DOCK4: variants seen among roughly 807,000 people sequenced by gnomAD.
DOCK4 encodes the protein dedicator of cytokinesis 4.
A neutral mutation model predicts 268.1 loss-of-function variants in DOCK4; 97 were observed. That is an observed-to-expected ratio of 0.36 (90% CI 0.31 to 0.43). The LOEUF (loss-of-function observed/expected upper bound fraction) is 0.43, where lower values mean the gene tolerates loss of function less well. DOCK4 is among the 20% of genes least tolerant of loss of function. The pLI is 1.00. For missense variants in DOCK4, 2,145 were observed against 2,455.7 expected, an observed-to-expected ratio of 0.87 and a Z score of 2.67; for synonymous variants, 954 against 887.2, an observed-to-expected ratio of 1.08 and a Z score of -1.34.
At chr7:111,839,511 A>G (rs1803504133) in intron 25 of DOCK4, among the ~76,000 whole-genome samples, 1 of 152,254 alleles carries the variant, frequency 6.6e-6, no homozygotes, top group East Asian at 1.9e-4. Context: ...TAAGGAATAG[A>G]CTTTCATCTT....
rs762865694 is a variant in DOCK4, at chr7:111,794,349, TG to T, written c.3167-3745del. ...TGGTCTGGGGCTCGAGACAGAGGCC[TG>T]GGCTGGAGATGTACTATTTCAGAAC... On this transcript the variant is annotated intron_variant, in intron 30 of 52. Coordinates refer to ENST00000428084, the MANE Select transcript of DOCK4 (RefSeq NM_001363540.2). Among the ~76,000 whole-genome samples the T allele has an allele frequency of 7.2e-4, 109 of 152,312 alleles. 2 individuals are homozygous for T. The highest frequency in any genetic ancestry group is 4.6e-3 in the Admixed American group (71 of 15,290).
At chr7:111,920,785 C>G (rs540667934) in intron 12 of DOCK4, among the ~76,000 whole-genome samples, 2 of 151,706 alleles carry the variant, frequency 1.3e-5, no homozygotes, top group Non-Finnish European at 1.5e-5. Context: ...GAAACTTATA[C>G]AGAGAGAGAC....
chr7:111,758,505 AT>A, intron 41 of DOCK4, 118 bp downstream of exon 41: 1 of 1,140,992 alleles, frequency 8.8e-7, no homozygotes, highest in Non-Finnish European at 1.3e-6. Context: ...AATGATTTAT[AT>A]AGTCCCTTCT....
intron 1 of DOCK4, among the ~76,000 whole-genome samples, chr7:112,190,384 C>G (rs1428155648): frequency 6.6e-6 from 1 of 152,112 alleles, no homozygotes; most frequent in Non-Finnish European, 1.5e-5. Flanking sequence ...CAGTACTCTA[C>G]CAGGAGGAGT....
In DOCK4 at chr7:112,206,365, C is replaced by G. The variant is rs1821410922; in HGVS notation, c.-227G>C. 1.5e-5 allele frequency: 9 copies of G among 586,470 alleles called. No individual in the cohort carries two copies. The highest frequency in any genetic ancestry group is 2.7e-5 in the Non-Finnish European group (9 of 333,522). The allele number at this position is 586,470 out of a possible 1,614,324, so 36.3% of individuals were successfully genotyped here. ...CTGCTCACAGTCCTCCGACGCGCTCCCGGGTACCCGGCGGCGCAGTCATTG... is the reference window on the plus strand; with the variant it reads ...CTGCTCACAGTCCTCCGACGCGCTCGCGGGTACCCGGCGGCGCAGTCATTG... On this transcript the variant is annotated 5_prime_UTR_variant, in exon 1 of 53. Transcript: ENST00000428084.
chr7:112,062,473 T>C (rs1206754583), intron 1 of DOCK4, among the ~76,000 whole-genome samples: 1 of 152,178 alleles, frequency 6.6e-6, no homozygotes, highest in East Asian at 1.9e-4. Context: ...TATATTTAAC[T>C]AGTGACTTAT....
chr7:112,186,334 C>T (rs1327949630), intron 1 of DOCK4, among the ~76,000 whole-genome samples: 1 of 152,190 alleles, frequency 6.6e-6, no homozygotes, highest in Admixed American at 6.5e-5. Context: ...TGGGAAGACA[C>T]TACAACATAC....
At chr7:112,077,617 C>T (rs1586775494) in intron 1 of DOCK4, among the ~76,000 whole-genome samples, 3 of 152,002 alleles carry the variant, frequency 2.0e-5, no homozygotes, top group Admixed American at 2.0e-4. Context: ...TGTTTTAAAC[C>T]ATAGTGTGTA....
chr7:112,190,239 C>G (rs1363976548), intron 1 of DOCK4, among the ~76,000 whole-genome samples: 1 of 152,154 alleles, frequency 6.6e-6, no homozygotes, highest in African/African-American at 2.4e-5. Flanking sequence ...CTAGAGAAAT[C>G]AAAGCTGAAC....
At chr7:111,788,041 T>A (rs34572971) in intron 32 of DOCK4, among the ~76,000 whole-genome samples, 3,545 of 152,296 alleles carry the variant, frequency 0.023, 54 homozygotes, top group Non-Finnish European at 0.037. Context: ...GTGGCTATGA[T>A]CAGATTCTAT....
At chr7:112,072,732 T>A (rs184926995) in intron 1 of DOCK4, among the ~76,000 whole-genome samples, 73 of 152,288 alleles carry the variant, frequency 4.8e-4, no homozygotes, top group South Asian at 1.0e-3. Context: ...TCCCAACAGA[T>A]AGCAACACCT....
At chr7:111,796,921 G>A (rs747371170) in intron 30 of DOCK4, among the ~76,000 whole-genome samples, 2 of 152,176 alleles carry the variant, frequency 1.3e-5, no homozygotes, top group Non-Finnish European at 2.9e-5. Context: ...TGGGCAGCAC[G>A]TTTAACATGG....
intron 52 of DOCK4, among the ~76,000 whole-genome samples, chr7:111,729,275 A>G (rs1042345030): frequency 3.3e-5 from 5 of 152,234 alleles, no homozygotes; most frequent in African/African-American, 1.2e-4. Flanking sequence ...TAGAGGAGAA[A>G]GGAGCTGGGC....
intron 8 of DOCK4, among the ~76,000 whole-genome samples, chr7:111,957,573 G>C (rs192350856): frequency 6.6e-6 from 1 of 152,084 alleles, no homozygotes; most frequent in African/African-American, 2.4e-5. Flanking sequence ...TTTTATCTTT[G>C]GAAAAGGAAC....
intron 1 of DOCK4, among the ~76,000 whole-genome samples, chr7:112,065,187 T>C (rs1314938171): frequency 1.3e-5 from 2 of 152,056 alleles, no homozygotes; most frequent in Non-Finnish European, 2.9e-5. Flanking sequence ...TCTCTGTGCA[T>C]TCTCCCCTCT....
At chr7:111,976,209 TGTGTGTGTGTGTGC>T (rs1256280072) in intron 8 of DOCK4, among the ~76,000 whole-genome samples, 3 of 83,562 alleles carry the variant, frequency 3.6e-5, no homozygotes, top group Admixed American at 3.3e-4. Context: ...CGCACATATG[TGTGTGTGTGTGTGC>T]GTGTGTGTGT....
At chr7:111,773,588 A>G (rs142703426) in intron 36 of DOCK4, among the ~76,000 whole-genome samples, 1 of 152,292 alleles carries the variant, frequency 6.6e-6, no homozygotes, top group East Asian at 1.9e-4. Context: ...ATCGAGAATT[A>G]CCAATATTGA....
rs149414144 is a variant in DOCK4, at chr7:111,986,580, G to A, written c.465-2190C>T. On this transcript the variant is annotated intron_variant, in intron 6 of 52. Coordinates refer to ENST00000428084, the MANE Select transcript of DOCK4 (RefSeq NM_001363540.2). ...TGAGAGGAGATCACACAGGGAGAGC[G>A]TCATGTTTTCTATCAACTCAGTCAC... Among the ~76,000 whole-genome samples, 19 of 152,232 alleles carry A rather than the reference G, an allele frequency of 1.2e-4. No individual in the cohort carries two copies. In the East Asian group the frequency reaches 2.1e-3, roughly 17 times the overall value.
At chr7:112,096,970 C>T (rs184360806) in intron 1 of DOCK4, among the ~76,000 whole-genome samples, 8 of 152,024 alleles carry the variant, frequency 5.3e-5, no homozygotes, top group Non-Finnish European at 1.2e-4. Context: ...GAAAGCAGAG[C>T]CTTAATACAG....
Sources: allele counts gnomAD v4.1 joint callset (sites outside exome capture counted in the v4.1 genomes callset), GRCh38; gene constraint gnomAD v4.1.1; transcripts MANE v1.5; gene names NCBI Gene and HGNC (gene_info 2026-07-23, HGNC 2026-07-21).